The following CNTN3 variants were observed in gnomAD, a reference collection of about 807,000 sequenced individuals.
The protein encoded by CNTN3 is contactin 3, also known as contactin-3.
A neutral mutation model predicts 119.1 loss-of-function variants in CNTN3; 60 were observed. The ratio of observed to expected loss-of-function variants is 0.50; its 90% confidence interval spans 0.41 to 0.62. CNTN3 has a LOEUF of 0.62. Among genes scored for constraint, CNTN3 ranks in the 20% least tolerant of loss-of-function variants. The pLI, the probability that CNTN3 is intolerant of heterozygous loss-of-function variation, is 0.00. For missense variants in CNTN3, 1,101 were observed against 1,242.4 expected, an observed-to-expected ratio of 0.89 and a Z score of 1.71; for synonymous variants, 450 against 438.7, an observed-to-expected ratio of 1.03 and a Z score of -0.32.
chr3:74,308,218 C>A lies in CNTN3; in HGVS notation c.1669-5411G>T, dbSNP rs530667970. Among the ~76,000 whole-genome samples, 5 of 152,172 alleles carry A rather than the reference C, an allele frequency of 3.3e-5. No homozygotes were observed. The South Asian group carries it at 6.2e-4, about 19-fold the overall frequency. ...CAAGTTCACCTTCATTACTAATGTA[C>A]GCTGCTCATCCAAAAAGCAGAAAGA... On this transcript the variant is annotated intron_variant, in intron 13 of 22. Coordinates refer to ENST00000263665, the MANE Select transcript of CNTN3 (RefSeq NM_020872.3).
At chr3:74,403,333 A>G (rs1705244898) in intron 5 of CNTN3, among the ~76,000 whole-genome samples, 1 of 152,198 alleles carries the variant, frequency 6.6e-6, no homozygotes, top group African/African-American at 2.4e-5. Context: ...CTCATGTGAT[A>G]TTTACATTCC....
chr3:74,299,527 C>T (rs116697529), intron 17 of CNTN3, among the ~76,000 whole-genome samples: 1 of 152,122 alleles, frequency 6.6e-6, no homozygotes, highest in Non-Finnish European at 1.5e-5. Context: ...AACCAGGTGA[C>T]CCTGAGCAAA....
chr3:74,285,266 T>C (rs749389950), intron 20 of CNTN3, 39 bp downstream of exon 20: 3 of 1,548,816 alleles, frequency 1.9e-6, no homozygotes, highest in Admixed American at 2.0e-5. Flanking sequence ...TAATGCAAAC[T>C]ATTTTCCGTA....
At chr3:74,284,404 C>T (rs941712072) in intron 20 of CNTN3, among the ~76,000 whole-genome samples, 2 of 151,988 alleles carry the variant, frequency 1.3e-5, no homozygotes, top group African/African-American at 4.8e-5. Flanking sequence ...GGTATCACTG[C>T]GCGTAAGTTA....
intron 4 of CNTN3, among the ~76,000 whole-genome samples, chr3:74,478,497 CA>C (rs1427800090): frequency 6.6e-6 from 1 of 152,114 alleles, no homozygotes; most frequent in Non-Finnish European, 1.5e-5. Flanking sequence ...TGCAATCCCC[CA>C]AGGCCTCTTT....
Position 74,453,481 on chromosome 3 carries a change from C to A in CNTN3, c.359-28541G>T, listed in dbSNP as rs182518017. ...CAAAATACCAGCTCCTGGATTCATTCATTTTTTGAAGGGTTTTTTGTGTCT... is the reference window on the plus strand; with the variant it reads ...CAAAATACCAGCTCCTGGATTCATTAATTTTTTGAAGGGTTTTTTGTGTCT... On this transcript the variant is annotated intron_variant, in intron 4 of 22. Coordinates refer to ENST00000263665, the MANE Select transcript of CNTN3 (RefSeq NM_020872.3). Among the ~76,000 whole-genome samples, 751 of 152,056 alleles carry A rather than the reference C, an allele frequency of 4.9e-3. 8 individuals carry two copies. Among genetic ancestry groups the A allele is most frequent in the African/African-American group, 0.017 (714 of 41,496 alleles).
At chr3:74,269,680 C>G (rs1701731426) in intron 20 of CNTN3, among the ~76,000 whole-genome samples, 1 of 152,028 alleles carries the variant, frequency 6.6e-6, no homozygotes, top group Non-Finnish European at 1.5e-5. Context: ...ATTATTCAGC[C>G]TTAAAAACAT....
At chr3:74,327,536 G>C (rs1261535105) in intron 13 of CNTN3, among the ~76,000 whole-genome samples, 1 of 152,060 alleles carries the variant, frequency 6.6e-6, no homozygotes, top group African/African-American at 2.4e-5. Flanking sequence ...TACTATCTTG[G>C]TAGGTTTTGT....
At chr3:74,298,220 CT>C in intron 17 of CNTN3, 29 bp from the exon 18 acceptor site, 1 of 1,462,060 alleles carries the variant, frequency 6.8e-7, no homozygotes, top group Non-Finnish European at 9.2e-7. Context: ...CTGAATCACC[CT>C]TACACATAAG....
At chr3:74,492,717 C>T (rs1702986894) in intron 3 of CNTN3, among the ~76,000 whole-genome samples, 1 of 151,948 alleles carries the variant, frequency 6.6e-6, no homozygotes, top group South Asian at 2.1e-4. Context: ...CACTGCCTTC[C>T]AACACAAAGA....
chr3:74,357,827 TA>T (rs983585832), intron 11 of CNTN3, among the ~76,000 whole-genome samples: 6 of 152,218 alleles, frequency 3.9e-5, no homozygotes, highest in African/African-American at 1.2e-4. Flanking sequence ...AATATCCCAT[TA>T]AAAAATTGTC....
chr3:74,489,887 C>A (rs1702931050), intron 3 of CNTN3, among the ~76,000 whole-genome samples: 1 of 152,158 alleles, frequency 6.6e-6, no homozygotes, highest in Non-Finnish European at 1.5e-5. Flanking sequence ...CTCAGTGCTT[C>A]CACAGGGAAG....
chr3:74,340,257 G>A (rs571953663), intron 11 of CNTN3, among the ~76,000 whole-genome samples: 13 of 152,212 alleles, frequency 8.5e-5, no homozygotes, highest in African/African-American at 2.2e-4. Context: ...ATGTAGCTAT[G>A]TTGTTTACAT....
intron 20 of CNTN3, among the ~76,000 whole-genome samples, chr3:74,278,035 AC>A (rs34322443): frequency 0.41 from 61,045 of 148,508 alleles, 13,246 homozygotes; most frequent in East Asian, 0.69. Flanking sequence ...AAAAAAAAAA[AC>A]CACTTATGAA....
chr3:74,425,065 T>C, intron 4 of CNTN3, 125 bp from the exon 5 acceptor site: 1 of 644,256 alleles, frequency 1.6e-6, no homozygotes, highest in Admixed American at 3.0e-5. Flanking sequence ...AAAATTTTTA[T>C]TTTTATTTAC....
chr3:74,472,251 A>G lies in CNTN3; in HGVS notation c.358+14205T>C, dbSNP rs553888411. On this transcript the variant is annotated intron_variant, in intron 4 of 22. Coordinates refer to ENST00000263665, the MANE Select transcript of CNTN3 (RefSeq NM_020872.3). Reference sequence around the variant, plus strand: ...CCAACAGATGGAAACTCATCTCAATATGCTTTTAGGAGAAAATTGATTAGG... The same window carrying G: ...CCAACAGATGGAAACTCATCTCAATGTGCTTTTAGGAGAAAATTGATTAGG... Among the ~76,000 whole-genome samples, 12 of 152,296 alleles carry G rather than the reference A, an allele frequency of 7.9e-5. 1 individual carries two copies. The South Asian group carries it at 2.5e-3, about 32-fold the overall frequency.
At chr3:74,325,719 T>A (rs1364947119) in intron 13 of CNTN3, among the ~76,000 whole-genome samples, 1 of 152,154 alleles carries the variant, frequency 6.6e-6, no homozygotes, top group Non-Finnish European at 1.5e-5. Flanking sequence ...TAAAGTATTA[T>A]CAACATCTCA....
chr3:74,297,869 T>G (rs1462582605), intron 18 of CNTN3, 88 bp downstream of exon 18: 5 of 938,250 alleles, frequency 5.3e-6, no homozygotes, highest in Non-Finnish European at 8.2e-6. Flanking sequence ...ATAAATATAT[T>G]TGAAGTCAAA....
chr3:74,506,082 C>T lies in CNTN3; in HGVS notation c.56-6297G>A, dbSNP rs145864547. ...AGCATGGAGATTTTACCAGGAATTGCATTCATCCTCTAATTGCAACCTGCC... is the reference window on the plus strand; with the variant it reads ...AGCATGGAGATTTTACCAGGAATTGTATTCATCCTCTAATTGCAACCTGCC... On this transcript the variant is annotated intron_variant, in intron 2 of 22. Transcript: ENST00000263665. 4.9e-3 allele frequency among the ~76,000 whole-genome samples: 740 copies of T among 152,276 alleles called. 1 individual carries two copies. Among genetic ancestry groups the T allele is most frequent in the Middle Eastern group, 0.02 (6 of 294 alleles).
Sources: gnomAD v4.1 joint callset for allele counts (sites outside exome capture counted in the v4.1 genomes callset) on GRCh38, gnomAD v4.1.1 for gene constraint, MANE v1.5 for transcripts, NCBI Gene and HGNC (gene_info 2026-07-23, HGNC 2026-07-21) for gene names.